PCDH9: variants seen among roughly 807,000 people sequenced by gnomAD.
PCDH9 encodes the protein protocadherin 9.
A neutral mutation model predicts 70.6 loss-of-function variants in PCDH9; 24 were observed. The observed-to-expected ratio is 0.34, with a 90% CI of 0.25 to 0.48. The LOEUF is 0.48. Among genes scored for constraint, PCDH9 ranks in the 20% least tolerant of loss-of-function variants. The pLI is 0.99. For missense variants in PCDH9, 1,281 were observed against 1,503.6 expected, an observed-to-expected ratio of 0.85 and a Z score of 2.45; for synonymous variants, 562 against 558.5, an observed-to-expected ratio of 1.01 and a Z score of -0.09.
At chr13:66,314,188 CTT>C (rs1955611376) in intron 4 of PCDH9, among the ~76,000 whole-genome samples, 1 of 152,200 alleles carries the variant, frequency 6.6e-6, no homozygotes, top group South Asian at 2.1e-4. Flanking sequence ...AAGAATCACA[CTT>C]TGAAACGCAA....
At chr13:66,559,575 T>G (rs1465246890) in intron 4 of PCDH9, among the ~76,000 whole-genome samples, 1 of 151,658 alleles carries the variant, frequency 6.6e-6, no homozygotes, top group African/African-American at 2.4e-5. Context: ...CTGAGGTGGG[T>G]GGATCATGAG....
chr13:66,834,033 A>G (rs2080973064), intron 3 of PCDH9, among the ~76,000 whole-genome samples: 1 of 152,190 alleles, frequency 6.6e-6, no homozygotes, highest in African/African-American at 2.4e-5. Context: ...TCTAATTTAT[A>G]AATCAATTTT....
intron 3 of PCDH9, among the ~76,000 whole-genome samples, chr13:66,715,788 T>G (rs9540873): frequency 4.6e-5 from 7 of 152,138 alleles, no homozygotes; most frequent in African/African-American, 1.7e-4. Context: ...AATAGATCAA[T>G]ATGGATGTGC....
chr13:67,173,379 A>G (rs1464478167), intron 2 of PCDH9, among the ~76,000 whole-genome samples: 1 of 152,200 alleles, frequency 6.6e-6, no homozygotes, highest in African/African-American at 2.4e-5. Flanking sequence ...GTAGGGGTGA[A>G]TAACTTAGTC....
intron 4 of PCDH9, among the ~76,000 whole-genome samples, chr13:66,394,333 T>C (rs777587976): frequency 6.6e-6 from 1 of 152,218 alleles, no homozygotes; most frequent in Admixed American, 6.5e-5. Flanking sequence ...ACTTCTACTA[T>C]GTTTTCCAGA....
At chr13:66,818,790 C>T (rs1027198801) in intron 3 of PCDH9, among the ~76,000 whole-genome samples, 1 of 151,852 alleles carries the variant, frequency 6.6e-6, no homozygotes. Context: ...AAAAATTAGC[C>T]GGGCGAGGTG....
At chr13:67,033,759 G>A (rs781178210) in intron 2 of PCDH9, among the ~76,000 whole-genome samples, 2 of 152,180 alleles carry the variant, frequency 1.3e-5, no homozygotes, top group Non-Finnish European at 2.9e-5. Flanking sequence ...CTTAAGAAGA[G>A]TTGGTTGAGT....
chr13:66,538,797 C>T (rs1960820301), intron 4 of PCDH9, among the ~76,000 whole-genome samples: 1 of 152,066 alleles, frequency 6.6e-6, no homozygotes, highest in South Asian at 2.1e-4. Flanking sequence ...AACTATCATA[C>T]ATAAGATGAA....
At chr13:67,137,118 A>G (rs544459277) in intron 2 of PCDH9, among the ~76,000 whole-genome samples, 4 of 152,172 alleles carry the variant, frequency 2.6e-5, no homozygotes, top group African/African-American at 7.2e-5. Flanking sequence ...AACTTAAAGT[A>G]TAATAATAAA....
chr13:66,732,513 A>G (rs1412404385), intron 3 of PCDH9, among the ~76,000 whole-genome samples: 1 of 152,022 alleles, frequency 6.6e-6, no homozygotes, highest in African/African-American at 2.4e-5. Context: ...AAAAGAAAAA[A>G]TATTACCACC....
chr13:66,473,851 C>A (rs1468547743), intron 4 of PCDH9, among the ~76,000 whole-genome samples: 1 of 152,130 alleles, frequency 6.6e-6, no homozygotes, highest in African/African-American at 2.4e-5. Flanking sequence ...TCTCTATCTC[C>A]TGTGGATATG....
intron 3 of PCDH9, among the ~76,000 whole-genome samples, chr13:66,647,244 C>T (rs78643921): frequency 0.094 from 14,249 of 152,194 alleles, 917 homozygotes; most frequent in Admixed American, 0.17. Context: ...CACTATCCTC[C>T]CCCATCCCCA....
chr13:67,101,788 G>A (rs993865807), intron 2 of PCDH9, among the ~76,000 whole-genome samples: 1 of 151,986 alleles, frequency 6.6e-6, no homozygotes, highest in African/African-American at 2.4e-5. Context: ...TAAACATCAA[G>A]TGACATTGAG....
intron 2 of PCDH9, among the ~76,000 whole-genome samples, chr13:67,137,441 G>A (rs1252832374): frequency 2.6e-5 from 4 of 152,074 alleles, no homozygotes; most frequent in South Asian, 4.1e-4. Flanking sequence ...AAACTTTGGG[G>A]TGATCCTCGT....
rs143742193 is a variant in PCDH9, at chr13:67,039,078, G to A, written c.3037-135473C>T. Among the ~76,000 whole-genome samples, 542 of 152,280 alleles carry A rather than the reference G, an allele frequency of 3.6e-3. 4 individuals are homozygous for A. Among genetic ancestry groups the A allele is most frequent in the African/African-American group, 0.012 (517 of 41,554 alleles). On this transcript the variant is annotated intron_variant, in intron 2 of 4. Transcript: ENST00000377865. Reference sequence around the variant, plus strand: ...AAAGCCTCCAGATGATGGGGTTCACGGAACTTCTGCATTGGCAAATGCATC... The same window carrying A: ...AAAGCCTCCAGATGATGGGGTTCACAGAACTTCTGCATTGGCAAATGCATC...
intron 3 of PCDH9, among the ~76,000 whole-genome samples, chr13:66,683,368 A>C (rs556596696): frequency 6.6e-6 from 1 of 152,310 alleles, no homozygotes; most frequent in Non-Finnish European, 1.5e-5. Flanking sequence ...CTTCAATAGC[A>C]AACAGGCATT....
intron 4 of PCDH9, among the ~76,000 whole-genome samples, chr13:66,418,214 T>A (rs1957495580): frequency 1.3e-5 from 2 of 152,216 alleles, no homozygotes; most frequent in Admixed American, 1.3e-4. Context: ...CAGTTTCAGT[T>A]TTCTGAATAT....
chr13:67,000,327 T>C (rs2139818076), intron 2 of PCDH9, among the ~76,000 whole-genome samples: 1 of 97,222 alleles, frequency 1.0e-5, no homozygotes, highest in East Asian at 3.5e-4. Flanking sequence ...CTCTGGGGAC[T>C]GTTGTGGGGT....
intron 4 of PCDH9, among the ~76,000 whole-genome samples, chr13:66,442,742 T>C (rs1320036470): frequency 6.6e-6 from 1 of 152,110 alleles, no homozygotes; most frequent in Non-Finnish European, 1.5e-5. Context: ...ACGAATTTAG[T>C]GATGAAGGAT....
Sources: allele counts gnomAD v4.1 joint callset (sites outside exome capture counted in the v4.1 genomes callset), GRCh38; gene constraint gnomAD v4.1.1; transcripts MANE v1.5; gene names NCBI Gene and HGNC (gene_info 2026-07-23, HGNC 2026-07-21).